Variants in PLCH1 observed in about 807,000 individuals in gnomAD.
The protein encoded by PLCH1 is 1-phosphatidylinositol 4,5-bisphosphate phosphodiesterase eta-1.
Under a neutral mutation model 126.7 loss-of-function variants are expected in PLCH1, and 60 were observed. That is an observed-to-expected ratio of 0.47 (90% CI 0.38 to 0.59). PLCH1 has a LOEUF of 0.59. PLCH1 is among the 20% of genes least tolerant of loss of function. PLCH1 has a pLI of 0.00. For synonymous variants in PLCH1, 719 were observed against 734.9 expected (o/e 0.98, Z 0.35); for missense variants, 1,723 against 2,040.0 (o/e 0.84, Z 2.99).
At chr3:155,615,933 T>G (rs745888643) in intron 2 of PLCH1, among the ~76,000 whole-genome samples, 9 of 152,134 alleles carry the variant, frequency 5.9e-5, no homozygotes, top group Non-Finnish European at 1.3e-4. Flanking sequence ...AAATTAGACA[T>G]TTGGTCTAAA....
intron 4 of PLCH1, among the ~76,000 whole-genome samples, chr3:155,588,687 C>T (rs567670997): frequency 1.3e-5 from 2 of 152,280 alleles, no homozygotes; most frequent in East Asian, 3.9e-4. Flanking sequence ...TTAGCACCAA[C>T]ACGGAAATCG....
intron 2 of PLCH1, among the ~76,000 whole-genome samples, chr3:155,602,234 A>G (rs1037109244): frequency 6.6e-6 from 1 of 152,208 alleles, no homozygotes; most frequent in Non-Finnish European, 1.5e-5. Context: ...ATATAGTATG[A>G]TATCTTTTGT....
intron 11 of PLCH1, among the ~76,000 whole-genome samples, chr3:155,523,123 C>T (rs1051349462): frequency 3.3e-5 from 5 of 151,992 alleles, no homozygotes; most frequent in African/African-American, 4.8e-5. Flanking sequence ...TACAGGCGCC[C>T]ACCACCACGC....
intron 2 of PLCH1, among the ~76,000 whole-genome samples, chr3:155,653,426 T>C (rs932356944): frequency 2.0e-5 from 3 of 152,228 alleles, no homozygotes; most frequent in African/African-American, 7.2e-5. Flanking sequence ...ACTGTCCAAA[T>C]GCCTTCCTTA....
At chr3:155,743,351 G>C in intron 1 of PLCH1, 1 of 395,642 alleles carries the variant, frequency 2.5e-6, no homozygotes, top group South Asian at 1.9e-5. Context: ...GGCCAATATG[G>C]TGAAACCCCG....
chr3:155,549,626 G>A (rs892581613), intron 10 of PLCH1, among the ~76,000 whole-genome samples, 161 bp downstream of exon 10: 4 of 152,122 alleles, frequency 2.6e-5, no homozygotes, highest in Non-Finnish European at 4.4e-5. Context: ...CTGAAGACAC[G>A]ACTATAAAAA....
In PLCH1 at chr3:155,662,906, C is replaced by T. The variant is rs145648337; in HGVS notation, c.79+41240G>A. On this transcript the variant is annotated intron_variant, in intron 2 of 22. Transcript: ENST00000460012. ...CTTGAACTCCTGACCTCAGGTAATC[C>T]GCCCACCTTGGCCTCCCAAAATTCT... is the stretch of plus-strand genomic sequence containing the variant. Among the ~76,000 whole-genome samples, 879 of 152,260 alleles carry T rather than the reference C, an allele frequency of 5.8e-3. 2 individuals carry two copies. The highest frequency in any genetic ancestry group is 9.0e-3 in the Non-Finnish European group (612 of 68,022).
chr3:155,488,584 G>T, intron 20 of PLCH1, 76 bp downstream of exon 20: 1 of 1,199,648 alleles, frequency 8.3e-7, no homozygotes, highest in Non-Finnish European at 1.2e-6. Context: ...TATTATGTAA[G>T]TAACATATCA....
intron 2 of PLCH1, among the ~76,000 whole-genome samples, chr3:155,645,901 T>G (rs4287944): frequency 0.51 from 77,313 of 152,038 alleles, 22,716 homozygotes; most frequent in African/African-American, 0.8. Flanking sequence ...AGCAAAGAAC[T>G]AGTGAGGCAG....
At chr3:155,712,470 A>G (rs1747194357) in intron 1 of PLCH1, among the ~76,000 whole-genome samples, 3 of 152,190 alleles carry the variant, frequency 2.0e-5, no homozygotes, top group Admixed American at 6.5e-5. Flanking sequence ...AACACTACAG[A>G]TTTGTTCAAG....
rs148300007 is a variant in PLCH1, at chr3:155,468,349, A to G, written c.2938+17007T>C. Reference sequence around the variant, plus strand: ...CAGAAAGGAAAGAAAGTAGGAAGAGAAGACCACAAAACAACCAGAAAACGA... The same window carrying G: ...CAGAAAGGAAAGAAAGTAGGAAGAGGAGACCACAAAACAACCAGAAAACGA... On this transcript the variant is annotated intron_variant, in intron 21 of 21. Transcript: ENST00000494598. Among the ~76,000 whole-genome samples the G allele has an allele frequency of 4.8e-3, 736 of 152,310 alleles. 2 individuals are homozygous for G. Among genetic ancestry groups the G allele is most frequent in the Non-Finnish European group, 7.7e-3 (525 of 68,020 alleles).
intron 21 of PLCH1, among the ~76,000 whole-genome samples, chr3:155,473,259 A>T (rs1232768535): frequency 2.0e-5 from 3 of 151,314 alleles, no homozygotes; most frequent in Non-Finnish European, 4.4e-5. Flanking sequence ...ATGTACAAAA[A>T]TCACAAGCAT....
chr3:155,519,374 T>C (rs895857226), intron 11 of PLCH1, among the ~76,000 whole-genome samples: 1 of 152,184 alleles, frequency 6.6e-6, no homozygotes, highest in Non-Finnish European at 1.5e-5. Flanking sequence ...CAATTCCCTT[T>C]TTTGAGAGAT....
intron 10 of PLCH1, among the ~76,000 whole-genome samples, chr3:155,532,109 C>T (rs1216405651): frequency 6.6e-6 from 1 of 152,196 alleles, no homozygotes; most frequent in African/African-American, 2.4e-5. Flanking sequence ...CCTCACTAAG[C>T]TTAATCATTT....
chr3:155,589,877 CTCT>C (rs1419820255), intron 4 of PLCH1, among the ~76,000 whole-genome samples: 5 of 152,128 alleles, frequency 3.3e-5, no homozygotes, highest in Admixed American at 2.0e-4. Context: ...CTTAACACAC[CTCT>C]ATATGGCAGA....
chr3:155,483,299 AT>A, intron 22 of PLCH1: 1 of 1,294,206 alleles, frequency 7.7e-7, no homozygotes, highest in South Asian at 1.3e-5. Context: ...TGTAATATTC[AT>A]TGTCAAAAAA....
rs533983218 is a variant in PLCH1 at position 155,543,526 on chromosome 3, A to C, written c.1362+6261T>G. 1.7e-3 allele frequency among the ~76,000 whole-genome samples: 265 copies of C among 152,368 alleles called. 2 individuals carry two copies. Among genetic ancestry groups the C allele is most frequent in the Non-Finnish European group, 3.0e-3 (206 of 68,044 alleles). ...AGGCAGGCCAACATTCAGATTCAGG[A>C]AATACAGAGAACGCCATAAAGATAC... On this transcript the variant is annotated intron_variant, in intron 10 of 22. Coordinates refer to ENST00000460012, the MANE Select transcript of PLCH1 (RefSeq NM_014996.4).
At chr3:155,562,217 C>T (rs1223605634) in intron 8 of PLCH1, among the ~76,000 whole-genome samples, 1 of 152,164 alleles carries the variant, frequency 6.6e-6, no homozygotes, top group Non-Finnish European at 1.5e-5. Context: ...GCCAATAATC[C>T]CTTGCTTCAC....
chr3:155,609,070 C>T (rs1734734885), intron 2 of PLCH1, among the ~76,000 whole-genome samples: 1 of 152,182 alleles, frequency 6.6e-6, no homozygotes, highest in Admixed American at 6.5e-5. Flanking sequence ...AATTTCACTG[C>T]CACCAAAACC....
Sources: gnomAD v4.1 joint callset for allele counts (sites outside exome capture counted in the v4.1 genomes callset) on GRCh38, gnomAD v4.1.1 for gene constraint, MANE v1.5 for transcripts, NCBI Gene and HGNC (gene_info 2026-07-23, HGNC 2026-07-21) for gene names.